TENM2: variants seen among roughly 807,000 people sequenced by gnomAD.
The protein encoded by TENM2 is teneurin-2.
In TENM2, 52 loss-of-function variants were observed where a neutral mutation model predicts 245.2. The observed-to-expected ratio is 0.21, with a 90% CI of 0.17 to 0.27. The LOEUF (loss-of-function observed/expected upper bound fraction) is 0.27. TENM2 is among the 10% of genes least tolerant of loss of function. The pLI is 1.00. For synonymous variants in TENM2, 1,363 were observed against 1,438.9 expected (o/e 0.95, Z 1.19); for missense variants, 3,046 against 3,666.8 (o/e 0.83, Z 4.37).
chr5:168,215,358 C>A, intron 21 of TENM2, 86 bp downstream of exon 23: 1 of 1,055,176 alleles, frequency 9.5e-7, no homozygotes, highest in Non-Finnish European at 1.5e-6. Flanking sequence ...TTAACTAAGT[C>A]CAGCAGTCCA....
rs71591182 is a variant in TENM2 at position 167,445,332 on chromosome 5, T to TAGGGAGAGAGAGAGAG, written c.502+69860_502+69861insGGGAGAGAGAGAGAGA. On this transcript the variant is annotated intron_variant, in intron 2 of 28. Transcript: ENST00000518659. Reference sequence around the variant, plus strand: ...ATGATTATATATATATATATATATATATATAGAGAGAGAGAGAGAGAGAGA... The same window carrying TAGGGAGAGAGAGAGAG: ...ATGATTATATATATATATATATATATAGGGAGAGAGAGAGAGATATAGAGAGAGAGAGAGAGAGAGA... Among the ~76,000 whole-genome samples the TAGGGAGAGAGAGAGAG allele has an allele frequency of 2.1e-3, 165 of 77,008 alleles. 2 individuals are homozygous for TAGGGAGAGAGAGAGAG. The highest frequency in any genetic ancestry group is 2.6e-3 in the Non-Finnish European group (107 of 40,598). 50.5% of individuals were successfully genotyped at this position (77,008 alleles called of 152,430 possible). A position where few individuals can be genotyped will look rare whatever the true frequency, so the allele number is the denominator to read the frequency against.
the TENM2 span, among the ~76,000 whole-genome samples, chr5:166,980,258 TTGCTGGTAC>T: frequency 7.2e-5 from 11 of 152,192 alleles, no homozygotes; most frequent in South Asian, 2.3e-3. Context: ...AAGAGGGAGA[TTGCTGGTAC>T]TGTTTTATTC....
chr5:167,921,670 A>G (rs1311803569), intron 3 of TENM2, among the ~76,000 whole-genome samples: 4 of 152,332 alleles, frequency 2.6e-5, no homozygotes, highest in Admixed American at 6.5e-5. Context: ...CCAGACAGGA[A>G]GAGAGAAGTT....
At chr5:167,804,648 A>G (rs1766019113) in intron 2 of TENM2, among the ~76,000 whole-genome samples, 2 of 152,236 alleles carry the variant, frequency 1.3e-5, no homozygotes, top group South Asian at 4.1e-4. Context: ...AAGTCACTCC[A>G]CAGTAGATGT....
intron 2 of TENM2, among the ~76,000 whole-genome samples, chr5:167,462,677 G>A (rs1338629865): frequency 6.6e-6 from 1 of 151,848 alleles, no homozygotes; most frequent in Non-Finnish European, 1.5e-5. Flanking sequence ...CTTCTCTACT[G>A]TCCTTCTCTG....
At chr5:167,174,873 AC>A in the TENM2 span, among the ~76,000 whole-genome samples, 1 of 146,492 alleles carries the variant, frequency 6.8e-6, no homozygotes, top group Non-Finnish European at 1.5e-5. Context: ...TATATATTCA[AC>A]TTTTTTTTTT....
chr5:168,165,799 G>C (rs956417919), intron 13 of TENM2: 1 of 100,798 alleles, frequency 9.9e-6, no homozygotes, highest in East Asian at 2.4e-4. Flanking sequence ...TAACCACAAA[G>C]AAAAAAAAAA....
chr5:167,609,103 TATC>T (rs1236552145), intron 2 of TENM2, among the ~76,000 whole-genome samples: 3 of 152,156 alleles, frequency 2.0e-5, no homozygotes, highest in Non-Finnish European at 4.4e-5. Flanking sequence ...TTTTTCTTGC[TATC>T]ATCACTTCCT....
At chr5:167,257,005 T>C in the TENM2 span, among the ~76,000 whole-genome samples, 313 of 152,166 alleles carry the variant, frequency 2.1e-3, 2 homozygotes, top group African/African-American at 7.3e-3. Flanking sequence ...TGGAAAAAAG[T>C]TTCAGTAAAG....
intron 2 of TENM2, among the ~76,000 whole-genome samples, chr5:167,841,403 T>C (rs1769504825): frequency 1.3e-5 from 2 of 152,154 alleles, no homozygotes; most frequent in Admixed American, 6.5e-5. Flanking sequence ...AATTTCAAAA[T>C]TACATAAATG....
chr5:167,105,857 C>T, the TENM2 span, among the ~76,000 whole-genome samples: 2 of 120,156 alleles, frequency 1.7e-5, no homozygotes, highest in African/African-American at 6.5e-5. Flanking sequence ...CACTGCACTC[C>T]AGCCTGGGCG....
At chr5:167,115,183 G>A in the TENM2 span, among the ~76,000 whole-genome samples, 1 of 152,156 alleles carries the variant, frequency 6.6e-6, no homozygotes, top group Non-Finnish European at 1.5e-5. Context: ...TCACAGGAAG[G>A]AGACTCCGAA....
At chr5:167,956,313 TGACTTTGTATCCTGA>T (rs1194766565) in intron 4 of TENM2, among the ~76,000 whole-genome samples, 1 of 152,250 alleles carries the variant, frequency 6.6e-6, no homozygotes, top group African/African-American at 2.4e-5. Context: ...TTTTGCATAT[TGACTTTGTATCCTGA>T]GACTTTGCTT....
chr5:167,232,712 C>A, the TENM2 span, among the ~76,000 whole-genome samples: 1 of 152,042 alleles, frequency 6.6e-6, no homozygotes, highest in Non-Finnish European at 1.5e-5. Context: ...TTGGGTATTT[C>A]TTCACAGCGG....
At chr5:168,221,764 G>A (rs1047371118) in intron 23 of TENM2, among the ~76,000 whole-genome samples, 2 of 152,128 alleles carry the variant, frequency 1.3e-5, no homozygotes, top group African/African-American at 4.8e-5. Context: ...ATCCCTGAGG[G>A]AACTCAGGTT....
intron 2 of TENM2, among the ~76,000 whole-genome samples, chr5:167,483,878 A>T (rs996433326): frequency 6.6e-6 from 1 of 152,242 alleles, no homozygotes; most frequent in Non-Finnish European, 1.5e-5. Context: ...AGGCAGGAAG[A>T]CAGAGTACCA....
chr5:168,241,554 C>T (rs1766104532), intron 25 of TENM2, among the ~76,000 whole-genome samples: 1 of 151,814 alleles, frequency 6.6e-6, no homozygotes, highest in Non-Finnish European at 1.5e-5. Flanking sequence ...GAGCCACACG[C>T]ACCTGGCCTA....
rs932027618 is a variant in TENM2 at position 168,003,349 on chromosome 5, C to G, written c.1186+10167C>G. ...CACACACACACACACACACACACCC[C>G]CAAAGCTGGCATAACTGTGAAGAGT... On this transcript the variant is annotated intron_variant, in intron 5 of 28. Coordinates refer to ENST00000518659, the Ensembl canonical transcript of TENM2. Among the ~76,000 whole-genome samples the G allele has an allele frequency of 4.4e-5, 6 of 136,460 alleles. No individual in the cohort carries two copies. In the South Asian group the frequency reaches 1.5e-3, roughly 34 times the overall value. 89.5% of individuals were successfully genotyped at this position (136,460 alleles called of 152,430 possible). A position where few individuals can be genotyped will look rare whatever the true frequency, so the allele number is the denominator to read the frequency against.
At chr5:167,072,719 T>C in the TENM2 span, among the ~76,000 whole-genome samples, 1 of 152,242 alleles carries the variant, frequency 6.6e-6, no homozygotes, top group Non-Finnish European at 1.5e-5. Flanking sequence ...CTTCCTGTTA[T>C]ATGATATACC....
Sources: allele counts gnomAD v4.1 joint callset (sites outside exome capture counted in the v4.1 genomes callset), GRCh38; gene constraint gnomAD v4.1.1; transcripts MANE v1.5; gene names NCBI Gene and HGNC (gene_info 2026-07-23, HGNC 2026-07-21).